The following NBEAL1 variants were observed in gnomAD, a reference collection of about 807,000 sequenced individuals.
NBEAL1 encodes the protein neurobeachin-like protein 1.
Under a neutral mutation model 351.3 loss-of-function variants are expected in NBEAL1, and 273 were observed. That is an observed-to-expected ratio of 0.78 (90% CI 0.70 to 0.86). The LOEUF is 0.86. Ranked by LOEUF, NBEAL1 falls within the 40% of genes least tolerant of loss-of-function variation. NBEAL1 has a pLI of 0.00. For synonymous variants in NBEAL1, 1,050 were observed against 1,086.4 expected (o/e 0.97, Z 0.66); for missense variants, 2,961 against 3,201.3 (o/e 0.92, Z 1.81).
intron 44 of NBEAL1, among the ~76,000 whole-genome samples, chr2:203,184,784 A>C (rs1383483062): frequency 6.6e-6 from 1 of 152,032 alleles, no homozygotes; most frequent in Non-Finnish European, 1.5e-5. Context: ...AGTATAGCCA[A>C]GTGTGGGTGG....
At chr2:203,050,394 G>T (rs1446740137) in intron 4 of NBEAL1, among the ~76,000 whole-genome samples, 1 of 152,084 alleles carries the variant, frequency 6.6e-6, no homozygotes, top group African/African-American at 2.4e-5. Flanking sequence ...TGGTTTGTTA[G>T]TATGTTGGAA....
chr2:203,180,311 T>A, intron 42 of NBEAL1, 71 bp from the exon 43 acceptor site: 1 of 1,455,888 alleles, frequency 6.9e-7, no homozygotes, highest in South Asian at 1.2e-5. Flanking sequence ...GAAGGGAGTT[T>A]AAAAGTTTTG....
intron 42 of NBEAL1, among the ~76,000 whole-genome samples, chr2:203,177,150 CAAAAA>C (rs201081239): frequency 1.7e-5 from 1 of 60,386 alleles, no homozygotes. Flanking sequence ...AGCTCTATCT[CAAAAA>C]AAAAAAAAAA....
intron 8 of NBEAL1, among the ~76,000 whole-genome samples, chr2:203,081,866 C>T (rs2061880100): frequency 6.6e-6 from 1 of 152,222 alleles, no homozygotes; most frequent in Non-Finnish European, 1.5e-5. Flanking sequence ...CTTTGGGAGA[C>T]TGAGGTGGCA....
chr2:203,147,870 T>G (rs2063550857), intron 33 of NBEAL1, among the ~76,000 whole-genome samples: 2 of 152,030 alleles, frequency 1.3e-5, no homozygotes, highest in Non-Finnish European at 2.9e-5. Context: ...ACTGTTATAT[T>G]TCCCTGAGAG....
At chr2:203,048,954 A>G (rs1317524140) in intron 3 of NBEAL1, among the ~76,000 whole-genome samples, 1 of 143,404 alleles carries the variant, frequency 7.0e-6, no homozygotes. Context: ...CCCTCTTCTG[A>G]TCACATGGCT....
chr2:203,217,195 C>A, intron 55 of NBEAL1, 58 bp from the exon 56 acceptor site: 2 of 1,302,408 alleles, frequency 1.5e-6, no homozygotes, highest in Non-Finnish European at 2.0e-6. Context: ...TCTTACATAT[C>A]TTTTTTTTAA....
intron 35 of NBEAL1, 97 bp from the exon 36 acceptor site, chr2:203,157,602 C>G (rs184300464): frequency 4.7e-6 from 4 of 845,504 alleles, no homozygotes; most frequent in Non-Finnish European, 5.1e-6. Flanking sequence ...ATTGTTATAT[C>G]TAACAGTCAG....
At chr2:203,140,663 A>G (rs2063343670) in intron 31 of NBEAL1, among the ~76,000 whole-genome samples, 1 of 152,176 alleles carries the variant, frequency 6.6e-6, no homozygotes. Flanking sequence ...TTTTAAATAT[A>G]TGAACTAAGA....
At position 203,125,968 on chromosome 2, in the gene NBEAL1, C is replaced by G. The variant is rs1559384319; in HGVS notation, c.2860C>G (p.Leu954Val). The change falls in exon 21 of 56, where the codon CTA becomes GTA. Residue 954 changes from leucine to valine, a missense_variant. Coordinates refer to ENST00000683969, the MANE Select transcript of NBEAL1 (RefSeq NM_001378026.1). ...WTSTKASESR[L>V]ERNLVATFIL... ...TGTTCCTGATTCTACAGAGTCAAGA[C>G]TAGAGAGAAACCTAGTTGCAACATT... 1.3e-6 allele frequency: 2 copies of G among 1,531,110 alleles called. No homozygotes were observed. The highest frequency in any genetic ancestry group is 8.8e-7 in the Non-Finnish European group (1 of 1,139,046). The allele number at this position is 1,531,110 out of a possible 1,614,324, so 94.8% of individuals were successfully genotyped here. A position where few individuals can be genotyped will look rare whatever the true frequency, so the allele number is the denominator to read the frequency against.
intron 51 of NBEAL1, among the ~76,000 whole-genome samples, chr2:203,203,752 A>G (rs1054422857): frequency 4.0e-5 from 6 of 151,848 alleles, no homozygotes; most frequent in African/African-American, 9.7e-5. Flanking sequence ...TTATATTACA[A>G]TCTTTAATTT....
At chr2:203,072,452 A>G (rs1122253) in intron 7 of NBEAL1, among the ~76,000 whole-genome samples, 41,669 of 151,386 alleles carry the variant, frequency 0.28, 6,206 homozygotes, top group East Asian at 0.53. Flanking sequence ...AATTTTCTAA[A>G]TCTTCAGCTT....
At chr2:203,119,423 G>GGTTTTT (rs1559379701) in intron 18 of NBEAL1, among the ~76,000 whole-genome samples, 1 of 21,440 alleles carries the variant, frequency 4.7e-5, no homozygotes, top group Non-Finnish European at 1.4e-4. Flanking sequence ...ACGGCCTGTT[G>GGTTTTT]CTTTTTTTTT....
chr2:203,017,074 A>G (rs1016850027), intron 2 of NBEAL1, among the ~76,000 whole-genome samples: 1 of 152,074 alleles, frequency 6.6e-6, no homozygotes, highest in African/African-American at 2.4e-5. Context: ...TATTTTTGTC[A>G]CTCAGAAATA....
chr2:203,220,336 T>G lies in NBEAL1; in HGVS notation c.*2982T>G, dbSNP rs2065940793. Among the ~76,000 whole-genome samples, 1 of 152,010 alleles carries G rather than the reference T, an allele frequency of 6.6e-6. No homozygotes were observed. The highest frequency in any genetic ancestry group is 1.5e-5 in the Non-Finnish European group (1 of 67,992). ...CTGTCTCTACTAAAAATACAAAAAT[T>G]TGCTGGGCATGGTGGCAGGTGCCTG... On this transcript the variant is annotated 3_prime_UTR_variant, in exon 56 of 56. Coordinates refer to ENST00000683969, the MANE Select transcript of NBEAL1 (RefSeq NM_001378026.1).
At chr2:203,146,419 A>G (rs529660017) in intron 33 of NBEAL1, among the ~76,000 whole-genome samples, 75 of 152,276 alleles carry the variant, frequency 4.9e-4, no homozygotes, top group African/African-American at 1.7e-3. Flanking sequence ...GTGAAATCAT[A>G]GAAAAATAGT....
At chr2:203,040,144 C>G in intron 2 of NBEAL1, 1 of 1,434,566 alleles carries the variant, frequency 7.0e-7, no homozygotes, top group Non-Finnish European at 9.7e-7. Context: ...CCATTTGGTT[C>G]CAGAAAATCT....
At chr2:203,031,027 A>G (rs2060941576) in intron 2 of NBEAL1, among the ~76,000 whole-genome samples, 1 of 152,226 alleles carries the variant, frequency 6.6e-6, no homozygotes, top group Non-Finnish European at 1.5e-5. Context: ...GAAAACATGG[A>G]TTGTAAGATA....
At chr2:203,098,506 T>A (rs1430624268) in intron 11 of NBEAL1, among the ~76,000 whole-genome samples, 1 of 152,182 alleles carries the variant, frequency 6.6e-6, no homozygotes, top group Non-Finnish European at 1.5e-5. Context: ...CACATTACAA[T>A]TCCAAATTGT....
Sources: gnomAD v4.1 joint callset for allele counts (sites outside exome capture counted in the v4.1 genomes callset) on GRCh38, gnomAD v4.1.1 for gene constraint, MANE v1.5 for transcripts, NCBI Gene and HGNC (gene_info 2026-07-23, HGNC 2026-07-21) for gene names.